Variants in SMYD4 observed in about 807,000 individuals in gnomAD.
SMYD4 encodes protein-lysine N-methyltransferase SMYD4.
A neutral mutation model predicts 72.8 loss-of-function variants in SMYD4; 68 were observed. That is an observed-to-expected ratio of 0.93 (90% CI 0.77 to 1.14). SMYD4 has a LOEUF of 1.14. Ranked by LOEUF, SMYD4 falls within the 50% of genes most tolerant of loss-of-function variation. The probability of loss-of-function intolerance (pLI) is 0.00; values close to 1 mark genes in which losing one functional copy is unlikely to be tolerated. For missense variants in SMYD4, 984 were observed against 1,003.7 expected, an observed-to-expected ratio of 0.98 and a Z score of 0.27; for synonymous variants, 407 against 388.6, an observed-to-expected ratio of 1.05 and a Z score of -0.56.
chr17:1,783,431 C>T lies in SMYD4; in HGVS notation c.2066G>A (p.Ser689Asn), dbSNP rs1356529100. 1.9e-6 allele frequency: 3 copies of T among 1,612,564 alleles called. No individual in the cohort carries two copies. Among genetic ancestry groups the T allele is most frequent in the Non-Finnish European group, 2.5e-6 (3 of 1,179,910 alleles). Residue 689 changes from serine to asparagine, a missense_variant, in exon 9 of 11, where the codon AGC becomes AAC. Coordinates refer to ENST00000305513, the MANE Select transcript of SMYD4 (RefSeq NM_052928.3). ...CACGGCGTGCTCTGCCCACAGGAAG[C>T]TCTCGGCGTCACGCTGGCACCCCGA... ...RLSGCQRDAE[S>N]FLWAEHAVVG...
intron 2 of SMYD4, among the ~76,000 whole-genome samples, chr17:1,820,384 C>T (rs960905834): frequency 6.6e-6 from 1 of 151,986 alleles, no homozygotes; most frequent in Non-Finnish European, 1.5e-5. Flanking sequence ...TGGCTACAGG[C>T]ATGTGACACC....
intron 5 of SMYD4, among the ~76,000 whole-genome samples, chr17:1,797,120 T>C (rs568329043): frequency 3.5e-4 from 53 of 152,304 alleles, no homozygotes; most frequent in African/African-American, 1.3e-3. Flanking sequence ...GAATTAAAAT[T>C]AAACATAAAC....
chr17:1,816,367 C>A (rs1460032704), intron 2 of SMYD4, among the ~76,000 whole-genome samples: 1 of 151,738 alleles, frequency 6.6e-6, no homozygotes. Context: ...CGCCTGTAAT[C>A]CCAGCACTTT....
intron 2 of SMYD4, among the ~76,000 whole-genome samples, chr17:1,815,051 G>A (rs529624510): frequency 2.0e-5 from 3 of 151,808 alleles, no homozygotes; most frequent in Non-Finnish European, 4.4e-5. Flanking sequence ...AATAGATTAT[G>A]AACTCAATGT....
intron 2 of SMYD4, among the ~76,000 whole-genome samples, chr17:1,819,351 C>T (rs1159376013): frequency 1.3e-5 from 2 of 152,170 alleles, no homozygotes; most frequent in Non-Finnish European, 2.9e-5. Flanking sequence ...AGAGAGACTA[C>T]GTCTCAGAAC....
chr17:1,808,984 C>T (rs980310417), intron 3 of SMYD4, among the ~76,000 whole-genome samples: 4 of 152,110 alleles, frequency 2.6e-5, no homozygotes, highest in African/African-American at 4.8e-5. Flanking sequence ...ACTTCAAGCA[C>T]GTTCAAGCAT....
chr17:1,805,108 G>T (rs951660345), intron 3 of SMYD4, among the ~76,000 whole-genome samples: 1 of 152,088 alleles, frequency 6.6e-6, no homozygotes, highest in African/African-American at 2.4e-5. Flanking sequence ...CCAAATAGAT[G>T]AAAATGAACG....
chr17:1,817,490 C>A lies in SMYD4; in HGVS notation c.135-5375G>T, dbSNP rs141255320. 6.3e-3 allele frequency among the ~76,000 whole-genome samples: 949 copies of A among 151,392 alleles called. 14 individuals carry two copies. The highest frequency in any genetic ancestry group is 0.022 in the African/African-American group (904 of 41,442). ...CTGAGTAGCTGGGGCTCCAGGCATG[C>A]GCCACCATGCCTGGCTATATTATTT... On this transcript the variant is annotated intron_variant, in intron 2 of 10. Coordinates refer to ENST00000305513, the MANE Select transcript of SMYD4 (RefSeq NM_052928.3).
chr17:1,820,748 T>C (rs1208716943), intron 2 of SMYD4, among the ~76,000 whole-genome samples: 1 of 152,176 alleles, frequency 6.6e-6, no homozygotes, highest in Non-Finnish European at 1.5e-5. Context: ...TGGGAGGTCG[T>C]GTGTCTCAAA....
At chr17:1,783,295 G>A (rs994062018) in intron 9 of SMYD4, 65 bp downstream of exon 9, 15 of 1,610,238 alleles carry the variant, frequency 9.3e-6, no homozygotes, top group African/African-American at 4.0e-5. Flanking sequence ...AGACAAGGCC[G>A]GGGCCACGGC....
At position 1,793,689 on chromosome 17, in the gene SMYD4, T is replaced by C. The variant is rs1174768197; in HGVS notation, c.1538-6085A>G. Among the ~76,000 whole-genome samples, 6 of 151,990 alleles carry C rather than the reference T, an allele frequency of 3.9e-5. No homozygotes were observed. The East Asian group carries it at 9.6e-4, about 24-fold the overall frequency. On this transcript the variant is annotated intron_variant, in intron 5 of 10. Coordinates refer to ENST00000305513, the MANE Select transcript of SMYD4 (RefSeq NM_052928.3). ...TGTCAAGCTGCAAAGAGGCAACTTA[T>C]AGGGATGGGAGAAACTGTGGTCATG...
In SMYD4 at chr17:1,829,855, C is replaced by G. The variant is rs1222746148; in HGVS notation, c.-142G>C. The G allele has an allele frequency of 3.0e-6, 1 of 331,954 alleles. No homozygotes were observed. Among genetic ancestry groups the G allele is most frequent in the East Asian group, 5.2e-5 (1 of 19,230 alleles). 20.6% of individuals were successfully genotyped at this position (331,954 alleles called of 1,614,324 possible). On this transcript the variant is annotated 5_prime_UTR_variant, in exon 1 of 11. Coordinates refer to ENST00000305513, the MANE Select transcript of SMYD4 (RefSeq NM_052928.3). ...CGCCCCTTGGCGCCCCGCTCCGCCC[C>G]GCACCGCGTCCGGCGTCCCGCGCCA...
chr17:1,792,547 G>A (rs1909110907), intron 5 of SMYD4, among the ~76,000 whole-genome samples: 1 of 152,114 alleles, frequency 6.6e-6, no homozygotes, highest in Non-Finnish European at 1.5e-5. Context: ...TGCCTGAGGA[G>A]GGAGGATCAG....
At chr17:1,787,760 T>TC (rs956885803) in intron 5 of SMYD4, among the ~76,000 whole-genome samples, 156 bp from the exon 6 acceptor site, 3 of 152,152 alleles carry the variant, frequency 2.0e-5, no homozygotes, top group African/African-American at 7.2e-5. Context: ...GGGACATGAC[T>TC]CACGGCAAGC....
In SMYD4 at chr17:1,790,617, A is replaced by G. The variant is rs145242603; in HGVS notation, c.1538-3013T>C. Among the ~76,000 whole-genome samples the G allele has an allele frequency of 4.2e-3, 635 of 152,094 alleles. 8 individuals carry two copies. The highest frequency in any genetic ancestry group is 0.023 in the East Asian group (118 of 5,114). On this transcript the variant is annotated intron_variant, in intron 5 of 10. Transcript: ENST00000305513. ...CTGCAACCTCCGCCTCCTGGGTTCA[A>G]GCGATTCTCCTGCCTCAGCCTCCTG...
chr17:1,797,962 A>C (rs984343148), intron 5 of SMYD4, among the ~76,000 whole-genome samples: 1 of 151,802 alleles, frequency 6.6e-6, no homozygotes, highest in Non-Finnish European at 1.5e-5. Flanking sequence ...AGATTGTGCC[A>C]CCGCACTCCA....
Position 1,807,464 on chromosome 17 carries a change from G to A in SMYD4, c.280-2749C>T, listed in dbSNP as rs577505387. 4.6e-5 allele frequency among the ~76,000 whole-genome samples: 7 copies of A among 150,664 alleles called. No individual in the cohort carries two copies. The East Asian group carries it at 7.9e-4, about 17-fold the overall frequency. On this transcript the variant is annotated intron_variant, in intron 3 of 10. Coordinates refer to ENST00000305513, the MANE Select transcript of SMYD4 (RefSeq NM_052928.3). ...GGCAACCCCGCACCAGGGTTCAAGC[G>A]ATTCTCCTGTCTCAGCCTCCTGAGT...
At chr17:1,824,994 G>A (rs980017821) in intron 2 of SMYD4, among the ~76,000 whole-genome samples, 4 of 152,076 alleles carry the variant, frequency 2.6e-5, no homozygotes, top group Non-Finnish European at 4.4e-5. Context: ...CCCTGTGAGG[G>A]CTGTGCCTTT....
At chr17:1,801,191 T>C (rs1435185742) in intron 4 of SMYD4, among the ~76,000 whole-genome samples, 167 bp from the exon 5 acceptor site, 1 of 152,226 alleles carries the variant, frequency 6.6e-6, no homozygotes, top group East Asian at 1.9e-4. Context: ...CTTTGAGTGA[T>C]TAGCAATACT....
Sources: allele counts gnomAD v4.1 joint callset (sites outside exome capture counted in the v4.1 genomes callset), GRCh38; gene constraint gnomAD v4.1.1; transcripts MANE v1.5; gene names NCBI Gene and HGNC (gene_info 2026-07-23, HGNC 2026-07-21).